Variants in BRINP3 observed in about 807,000 individuals in gnomAD.
BRINP3 encodes the protein BMP/retinoic acid-inducible neural-specific protein 3.
In BRINP3, 19 loss-of-function variants were observed where a neutral mutation model predicts 71.0. That is an observed-to-expected ratio of 0.27 (90% CI 0.19 to 0.39). BRINP3 has a LOEUF of 0.39. BRINP3 is among the 10% of genes least tolerant of loss of function. The pLI is 1.00. For missense variants in BRINP3, 959 were observed against 940.8 expected (o/e 1.02, Z -0.25); for synonymous variants, 380 against 337.7 (o/e 1.13, Z -1.37).
chr1:190,379,210 A>G (rs1223370358), intron 2 of BRINP3, among the ~76,000 whole-genome samples: 1 of 152,170 alleles, frequency 6.6e-6, no homozygotes, highest in African/African-American at 2.4e-5. Flanking sequence ...AAAAAACAAA[A>G]CAAAAAAACT....
intron 2 of BRINP3, among the ~76,000 whole-genome samples, chr1:190,435,034 G>GA (rs1262271317): frequency 2.6e-5 from 4 of 151,886 alleles, no homozygotes; most frequent in Non-Finnish European, 5.9e-5. Context: ...GGAGAAAATA[G>GA]AAAAAAAGTA....
At position 190,223,306 on chromosome 1, in the gene BRINP3, A is replaced by C. The variant is rs192622997; in HGVS notation, c.961+2776T>G. ...ACACTAGCAAACCAAATTCAACAAC[A>C]CATTAACATGATCAAGTGAAATTCA... On this transcript the variant is annotated intron_variant, in intron 6 of 7. Transcript: ENST00000367462. Among the ~76,000 whole-genome samples the C allele has an allele frequency of 1.1e-3, 172 of 151,974 alleles. 1 individual carries two copies. The highest frequency in any genetic ancestry group is 1.8e-3 in the Non-Finnish European group (119 of 67,792).
Position 190,446,927 on chromosome 1 carries a change from G to A in BRINP3, c.236+7728C>T, listed in dbSNP as rs16832338. 6.0e-3 allele frequency among the ~76,000 whole-genome samples: 914 copies of A among 151,896 alleles called. 15 individuals carry two copies. The highest frequency in any genetic ancestry group is 0.044 in the East Asian group (226 of 5,166). On this transcript the variant is annotated intron_variant, in intron 2 of 7. Transcript: ENST00000367462. ...TGGGTGAACAACTGGCTTGCTCTAGGAAATTAAAGACAGATAGAAAGATAG... is the reference window on the plus strand; with the variant it reads ...TGGGTGAACAACTGGCTTGCTCTAGAAAATTAAAGACAGATAGAAAGATAG...
intron 2 of BRINP3, among the ~76,000 whole-genome samples, chr1:190,447,837 A>G (rs769378598): frequency 2.0e-5 from 3 of 151,704 alleles, no homozygotes; most frequent in Admixed American, 6.6e-5. Context: ...CAAATAAATT[A>G]TAGCTCATCC....
At chr1:190,198,761 TA>T (rs750085255) in intron 6 of BRINP3, among the ~76,000 whole-genome samples, 10 of 152,148 alleles carry the variant, frequency 6.6e-5, no homozygotes, top group Non-Finnish European at 1.5e-4. Context: ...AACATTTTGG[TA>T]AAAACAAAAT....
intron 2 of BRINP3, among the ~76,000 whole-genome samples, chr1:190,393,429 GA>G (rs1042405000): frequency 1.5e-4 from 22 of 151,566 alleles, no homozygotes; most frequent in Non-Finnish European, 4.4e-5. Flanking sequence ...ACTCCATGGG[GA>G]AGGAGAAACA....
intron 2 of BRINP3, among the ~76,000 whole-genome samples, chr1:190,442,898 CTCTG>C (rs1674925787): frequency 7.0e-6 from 1 of 142,734 alleles, no homozygotes; most frequent in Non-Finnish European, 1.5e-5. Context: ...TTGTGGAAGT[CTCTG>C]TATCTTTTTT....
intron 6 of BRINP3, among the ~76,000 whole-genome samples, chr1:190,212,681 A>G (rs1378193403): frequency 1.3e-5 from 2 of 152,094 alleles, no homozygotes; most frequent in Admixed American, 6.6e-5. Context: ...TGGCCATAAA[A>G]TGTGATCATA....
intron 2 of BRINP3, among the ~76,000 whole-genome samples, chr1:190,384,550 G>T (rs1031256717): frequency 4.6e-5 from 7 of 151,626 alleles, no homozygotes; most frequent in Non-Finnish European, 8.8e-5. Flanking sequence ...TTAGTCTATA[G>T]AAATATTGAG....
intron 2 of BRINP3, among the ~76,000 whole-genome samples, chr1:190,340,459 ATT>A (rs1667582347): frequency 6.6e-6 from 1 of 151,766 alleles, no homozygotes; most frequent in African/African-American, 2.4e-5. Flanking sequence ...TTATTGATTG[ATT>A]TATCTCTCCA....
At chr1:190,163,670 G>A (rs2102468987) in intron 6 of BRINP3, among the ~76,000 whole-genome samples, 1 of 152,146 alleles carries the variant, frequency 6.6e-6, no homozygotes, top group Admixed American at 6.6e-5. Context: ...ATTAGACTGG[G>A]TGACAACTTT....
chr1:190,277,632 A>T (rs1297757448), intron 3 of BRINP3, among the ~76,000 whole-genome samples: 1 of 151,540 alleles, frequency 6.6e-6, no homozygotes, highest in African/African-American at 2.4e-5. Flanking sequence ...TAAAGTCATT[A>T]TTTTTTGTCA....
At chr1:190,103,558 C>T (rs749757285) in intron 7 of BRINP3, among the ~76,000 whole-genome samples, 7 of 151,946 alleles carry the variant, frequency 4.6e-5, no homozygotes, top group Non-Finnish European at 7.4e-5. Context: ...AGAACTATTA[C>T]GTATACACAG....
At position 190,193,048 on chromosome 1, in the gene BRINP3, C is replaced by A. The variant is rs34195646; in HGVS notation, c.962-32158G>T. 7.6e-3 allele frequency among the ~76,000 whole-genome samples: 1,160 copies of A among 152,124 alleles called. 7 individuals are homozygous for A. Among genetic ancestry groups the A allele is most frequent in the Middle Eastern group, 0.014 (4 of 294 alleles). ...TTGTACAGAAAGTAAAGATGAATGA[C>A]TCCAAGGCAATCCAAATGTTCTTAT... On this transcript the variant is annotated intron_variant, in intron 6 of 7. Coordinates refer to ENST00000367462, the MANE Select transcript of BRINP3 (RefSeq NM_199051.3).
chr1:190,276,781 T>A (rs577545197), intron 3 of BRINP3, among the ~76,000 whole-genome samples: 1 of 151,382 alleles, frequency 6.6e-6, no homozygotes. Flanking sequence ...GAAGAGAATT[T>A]TTTTTGTATT....
chr1:190,198,101 G>T (rs1266806172), intron 6 of BRINP3, among the ~76,000 whole-genome samples: 3 of 151,978 alleles, frequency 2.0e-5, no homozygotes, highest in Non-Finnish European at 4.4e-5. Flanking sequence ...CCTCTGAAGG[G>T]TGCAAACAGT....
chr1:190,187,616 C>G (rs902934526), intron 6 of BRINP3, among the ~76,000 whole-genome samples: 1 of 152,126 alleles, frequency 6.6e-6, no homozygotes, highest in African/African-American at 2.4e-5. Flanking sequence ...GTTTTCCCAA[C>G]ACTATTTATT....
intron 6 of BRINP3, among the ~76,000 whole-genome samples, chr1:190,206,796 C>A (rs1558064954): frequency 1.3e-5 from 2 of 151,848 alleles, no homozygotes; most frequent in Admixed American, 1.3e-4. Flanking sequence ...CTTTTCATTT[C>A]TAAGATATTT....
At chr1:190,120,661 A>ATT (rs35320516) in intron 7 of BRINP3, among the ~76,000 whole-genome samples, 145 of 141,728 alleles carry the variant, frequency 1.0e-3, no homozygotes, top group African/African-American at 3.5e-3. Context: ...CGCCCGGCTA[A>ATT]TTTTTTTTTT....
Sources: allele counts gnomAD v4.1 joint callset (sites outside exome capture counted in the v4.1 genomes callset), GRCh38; gene constraint gnomAD v4.1.1; transcripts MANE v1.5; gene names NCBI Gene and HGNC (gene_info 2026-07-23, HGNC 2026-07-21).